Variants in PALLD observed in about 807,000 individuals in gnomAD.
PALLD encodes the protein palladin, cytoskeletal associated protein.
Under a neutral mutation model 123.5 loss-of-function variants are expected in PALLD, and 61 were observed. The ratio of observed to expected loss-of-function variants is 0.49; its 90% CI spans 0.40 to 0.61. The LOEUF (loss-of-function observed/expected upper bound fraction) is 0.61, where lower values mean the gene tolerates loss of function less well. Ranked by LOEUF, PALLD falls within the 20% of genes least tolerant of loss-of-function variation. The pLI is 0.00. For synonymous variants in PALLD, 465 were observed against 496.4 expected (o/e 0.94, Z 0.84); for missense variants, 1,273 against 1,377.0 (o/e 0.92, Z 1.20).
At chr4:168,827,956 G>A (rs1581665361) in intron 10 of PALLD, among the ~76,000 whole-genome samples, 1 of 152,162 alleles carries the variant, frequency 6.6e-6, no homozygotes, top group Non-Finnish European at 1.5e-5. Flanking sequence ...CAGGAGAATC[G>A]CGTGAACCCG....
chr4:168,559,191 C>T (rs1474967378), intron 2 of PALLD, among the ~76,000 whole-genome samples: 1 of 147,562 alleles, frequency 6.8e-6, no homozygotes, highest in Non-Finnish European at 1.5e-5. Context: ...ACTGTATTTC[C>T]CCCGATGTAT....
chr4:168,646,876 A>G (rs1777512188), intron 2 of PALLD, among the ~76,000 whole-genome samples: 1 of 152,242 alleles, frequency 6.6e-6, no homozygotes, highest in Non-Finnish European at 1.5e-5. Flanking sequence ...TGGTAACAAT[A>G]TAGTTTTAAA....
intron 10 of PALLD, among the ~76,000 whole-genome samples, chr4:168,817,761 C>G (rs902996836): frequency 2.0e-5 from 3 of 152,104 alleles, no homozygotes; most frequent in Non-Finnish European, 4.4e-5. Flanking sequence ...TTTCTATTAA[C>G]CAAGAAATCA....
chr4:168,668,115 C>T (rs937041835), intron 2 of PALLD, 75 bp from the exon 3 acceptor site: 3 of 1,202,976 alleles, frequency 2.5e-6, no homozygotes, highest in Non-Finnish European at 3.7e-6. Context: ...CCAGCCTTCA[C>T]TTCTGCTTTA....
At chr4:168,828,831 A>G (rs1362119098) in intron 10 of PALLD, 1 of 152,282 alleles carries the variant, frequency 6.6e-6, no homozygotes, top group African/African-American at 2.4e-5. Context: ...ACTCTGGCAG[A>G]TACAGCCAGC....
At chr4:168,783,352 C>G (rs1736224500) in intron 10 of PALLD, among the ~76,000 whole-genome samples, 2 of 152,110 alleles carry the variant, frequency 1.3e-5, no homozygotes, top group African/African-American at 2.4e-5. Flanking sequence ...GTAAAATAAG[C>G]ATAATACAGA....
chr4:168,898,633 G>A lies in PALLD; in HGVS notation c.2391G>A (p.Glu797=). 1.9e-6 allele frequency: 3 copies of A among 1,614,164 alleles called. No individual in the cohort carries two copies. The highest frequency in any genetic ancestry group is 2.5e-6 in the Non-Finnish European group (3 of 1,179,986). Residue 797 remains glutamate, a synonymous_variant, in exon 14 of 22, where the codon GAG becomes GAA. Coordinates refer to ENST00000505667, the MANE Select transcript of PALLD (RefSeq NM_001166108.2). ...PVENGMAPFF[E]MKLKHYKIFE... ...AAAATGGAATGGCACCATTCTTTGA[G>A]ATGAAGCTGAAACATTACAAGATCT...
chr4:168,682,174 G>GTTAA (rs1781612537), intron 4 of PALLD, among the ~76,000 whole-genome samples: 2 of 152,098 alleles, frequency 1.3e-5, no homozygotes, highest in African/African-American at 4.8e-5. Context: ...TTATTAAAAT[G>GTTAA]TTAATATCTT....
intron 2 of PALLD, among the ~76,000 whole-genome samples, chr4:168,529,700 G>A (rs1419665556): frequency 6.6e-6 from 1 of 152,158 alleles, no homozygotes; most frequent in Non-Finnish European, 1.5e-5. Context: ...TCAGCAGACA[G>A]AAGACAATTA....
At chr4:168,685,857 TAGG>T (rs1781994853) in intron 6 of PALLD, among the ~76,000 whole-genome samples, 2 of 148,398 alleles carry the variant, frequency 1.3e-5, no homozygotes, top group African/African-American at 5.0e-5. Context: ...GGAAATTGCT[TAGG>T]AGATCTAGCA....
chr4:168,878,284 C>A, intron 10 of PALLD: 1 of 1,527,294 alleles, frequency 6.5e-7, no homozygotes, highest in Non-Finnish European at 8.7e-7. Flanking sequence ...CGCCTGCCAC[C>A]CGCTTCGGCC....
intron 2 of PALLD, among the ~76,000 whole-genome samples, chr4:168,533,495 T>A (rs1764797291): frequency 6.6e-6 from 1 of 152,188 alleles, no homozygotes; most frequent in African/African-American, 2.4e-5. Context: ...TCTGAATGAC[T>A]AGATGACTAG....
chr4:168,853,157 T>C (rs190571614), intron 10 of PALLD, among the ~76,000 whole-genome samples: 1 of 152,370 alleles, frequency 6.6e-6, no homozygotes, highest in East Asian at 1.9e-4. Context: ...ACTTCATATA[T>C]GAGCATCTCA....
Position 168,639,419 on chromosome 4 carries a change from G to A in PALLD, c.909-28771G>A, listed in dbSNP as rs540701577. On this transcript the variant is annotated intron_variant, in intron 2 of 21. Transcript: ENST00000505667. Reference sequence around the variant, plus strand: ...TGGTGTGGCCCCTTGGTCAAAGTTTGGAAAGGAGTTTCGCCCTTGCCACAA... The same window carrying A: ...TGGTGTGGCCCCTTGGTCAAAGTTTAGAAAGGAGTTTCGCCCTTGCCACAA... 2.6e-5 allele frequency among the ~76,000 whole-genome samples: 4 copies of A among 152,254 alleles called. No individual in the cohort carries two copies. In the East Asian group the frequency reaches 5.8e-4, roughly 22 times the overall value.
At chr4:168,816,909 A>T (rs1465792632) in intron 10 of PALLD, among the ~76,000 whole-genome samples, 4 of 144,826 alleles carry the variant, frequency 2.8e-5, no homozygotes. Context: ...GGCGGGGGTG[A>T]AGGGAGGCTG....
intron 2 of PALLD, among the ~76,000 whole-genome samples, chr4:168,539,793 T>C (rs1211764779): frequency 2.0e-5 from 3 of 152,152 alleles, no homozygotes; most frequent in South Asian, 2.1e-4. Context: ...AGATTTATTA[T>C]ACTTTATTTT....
intron 2 of PALLD, among the ~76,000 whole-genome samples, chr4:168,609,596 G>T (rs1773536515): frequency 6.6e-6 from 1 of 152,170 alleles, no homozygotes; most frequent in Non-Finnish European, 1.5e-5. Context: ...GGGGGTATCA[G>T]AGTGGCCTAG....
chr4:168,894,628 G>C lies in PALLD; in HGVS notation c.2150G>C (p.Ser717Thr). 1 of 1,613,776 alleles carries C rather than the reference G, an allele frequency of 6.2e-7. No individual in the cohort carries two copies. The highest frequency in any genetic ancestry group is 8.5e-7 in the Non-Finnish European group (1 of 1,179,778). ...GCTCGTCGACTGCTAGGTGCTGACA[G>C]TGCAACTGTCTTTAATATTCAGGAG... is the stretch of plus-strand genomic sequence containing the variant. ...RMARRLLGAD[S>T]ATVFNIQEPE... The change falls in exon 12 of 22, where the codon AGT becomes ACT. Residue 717 changes from serine (S) to threonine (T), a missense_variant. Transcript: ENST00000505667.
chr4:168,725,709 G>A (rs1479895908), intron 10 of PALLD, among the ~76,000 whole-genome samples: 2 of 151,748 alleles, frequency 1.3e-5, no homozygotes, highest in Admixed American at 6.6e-5. Flanking sequence ...TGTATTTTTA[G>A]TACAGACGGG....
Sources: allele counts gnomAD v4.1 joint callset (sites outside exome capture counted in the v4.1 genomes callset), GRCh38; gene constraint gnomAD v4.1.1; transcripts MANE v1.5; gene names NCBI Gene and HGNC (gene_info 2026-07-23, HGNC 2026-07-21).